The following PTPRA variants were observed in gnomAD, a reference collection of about 807,000 sequenced individuals.
PTPRA encodes protein tyrosine phosphatase receptor type A, also known as receptor-type tyrosine-protein phosphatase alpha.
PTPRA carries 25 observed loss-of-function variants against 104.8 expected under a neutral mutation model. That is an observed-to-expected ratio of 0.24 (90% confidence interval 0.17 to 0.33). The LOEUF is 0.33. Ranked by LOEUF, PTPRA falls within the 10% of genes least tolerant of loss-of-function variation. The probability of loss-of-function intolerance (pLI) is 1.00; values close to 1 mark genes in which losing one functional copy is unlikely to be tolerated. For synonymous variants in PTPRA, 323 were observed against 368.9 expected, an observed-to-expected ratio of 0.88 and a Z score of 1.43; for missense variants, 765 against 1,015.3, an observed-to-expected ratio of 0.75 and a Z score of 3.35.
In PTPRA at chr20:2,933,865, T is replaced by C. The variant is rs79924970; in HGVS notation, c.-50+10580T>C. Among the ~76,000 whole-genome samples the C allele has an allele frequency of 2.2e-3, 328 of 152,318 alleles. 1 individual carries two copies. Among genetic ancestry groups the C allele is most frequent in the African/African-American group, 7.4e-3 (308 of 41,568 alleles). On this transcript the variant is annotated intron_variant, in intron 2 of 23. Coordinates refer to ENST00000399903, the MANE Select transcript of PTPRA (RefSeq NM_001385305.1). The stretch of plus-strand genomic sequence containing the variant: ...CACATAAGAGTTTAAATATCTTATG[T>C]ATTAGAAACTATTAAATATTTCTTT...
intron 17 of PTPRA, 111 bp downstream of exon 17, chr20:3,024,732 C>T: frequency 7.5e-7 from 1 of 1,330,270 alleles, no homozygotes. Context: ...TGAGGCATGC[C>T]AGTGGTTAAG....
intron 2 of PTPRA, 66 bp downstream of exon 2, chr20:2,923,351 C>T (rs2060166967): frequency 1.8e-6 from 2 of 1,119,678 alleles, no homozygotes; most frequent in Admixed American, 5.8e-5. Context: ...TTAAATAAAG[C>T]TAACATCACA....
intron 2 of PTPRA, among the ~76,000 whole-genome samples, chr20:2,936,581 C>T (rs62207192): frequency 6.6e-6 from 1 of 152,006 alleles, no homozygotes; most frequent in African/African-American, 2.4e-5. Context: ...CCACCTCAGC[C>T]TCCTGAGTAG....
intron 9 of PTPRA, among the ~76,000 whole-genome samples, chr20:2,995,573 T>C (rs776295235): frequency 4.6e-5 from 7 of 152,222 alleles, no homozygotes; most frequent in Non-Finnish European, 8.8e-5. Flanking sequence ...TTTTGGAAAT[T>C]AACTTTCTTT....
intron 3 of PTPRA, among the ~76,000 whole-genome samples, chr20:2,949,058 G>A (rs2061261109): frequency 6.6e-6 from 1 of 152,108 alleles, no homozygotes; most frequent in African/African-American, 2.4e-5. Flanking sequence ...TAAGATGTCA[G>A]ATTTCAGTTC....
chr20:2,909,403 C>T lies in PTPRA; in HGVS notation c.-128-13804C>T, dbSNP rs549633616. 1.7e-4 allele frequency among the ~76,000 whole-genome samples: 26 copies of T among 151,980 alleles called. No homozygotes were observed. In the South Asian group the frequency reaches 3.7e-3, roughly 22 times the overall value. On this transcript the variant is annotated intron_variant, in intron 1 of 23. Transcript: ENST00000399903. ...TTTGAGACCAGCTGGGCCAACATGGCGAAACCACGTCTCTACTAAAAATAC... is the reference window on the plus strand; with the variant it reads ...TTTGAGACCAGCTGGGCCAACATGGTGAAACCACGTCTCTACTAAAAATAC...
rs541293104 is a variant in PTPRA at position 2,989,018 on chromosome 20, C to T, written c.738+544C>T. ...TGTGGGAAATGACGACCATGGGAGA[C>T]TGCAGAGCACAGGTCTCATCTTGAG... On this transcript the variant is annotated intron_variant, in intron 9 of 23. Coordinates refer to ENST00000399903, the MANE Select transcript of PTPRA (RefSeq NM_001385305.1). Among the ~76,000 whole-genome samples the T allele has an allele frequency of 2.4e-4, 36 of 152,354 alleles. No individual in the cohort carries two copies. The South Asian group carries it at 7.0e-3, about 30-fold the overall frequency.
At chr20:2,983,614 T>C (rs1011830836) in intron 6 of PTPRA, among the ~76,000 whole-genome samples, 1 of 148,346 alleles carries the variant, frequency 6.7e-6, no homozygotes, top group African/African-American at 2.5e-5. Context: ...GTTTTAGATA[T>C]ATCTCCAAAA....
At chr20:2,909,988 CATAT>C (rs3054530) in intron 1 of PTPRA, among the ~76,000 whole-genome samples, 9,182 of 96,396 alleles carry the variant, frequency 0.095, 450 homozygotes, top group Middle Eastern at 0.13. Context: ...TATCATATAT[CATAT>C]ATATAATCTA....
At chr20:2,972,044 A>G (rs933858100) in intron 5 of PTPRA, among the ~76,000 whole-genome samples, 4 of 151,916 alleles carry the variant, frequency 2.6e-5, no homozygotes, top group African/African-American at 7.3e-5. Flanking sequence ...ATGTTGGCCA[A>G]CCTGGTCTCG....
At chr20:2,880,304 T>G (rs1393838546) in intron 1 of PTPRA, among the ~76,000 whole-genome samples, 4 of 152,244 alleles carry the variant, frequency 2.6e-5, no homozygotes, top group Non-Finnish European at 5.9e-5. Context: ...AAACATTTAA[T>G]TTAGGAATTG....
intron 20 of PTPRA, among the ~76,000 whole-genome samples, chr20:3,029,764 G>A (rs1287694991): frequency 2.0e-5 from 3 of 151,934 alleles, no homozygotes; most frequent in Admixed American, 6.6e-5. Flanking sequence ...CTGACCTCAG[G>A]TTATCTGCCT....
At chr20:2,865,785 G>C in the PTPRA span, 1 of 496,694 alleles carries the variant, frequency 2.0e-6, no homozygotes, top group African/African-American at 1.9e-5. This position sits in a 1 kb window ranked among gnomAD's most constrained non-coding sequence, Gnocchi z 5.2. Flanking sequence ...TCTTGTCTGA[G>C]GAGGGTGGAG....
At chr20:2,931,275 AAGACC>A (rs2060493705) in intron 2 of PTPRA, among the ~76,000 whole-genome samples, 1 of 152,192 alleles carries the variant, frequency 6.6e-6, no homozygotes, top group Admixed American at 6.5e-5. Flanking sequence ...TGCAAGTAGA[AAGACC>A]AGAGAGAACC....
Position 2,883,627 on chromosome 20 carries a change from G to C in PTPRA, c.-129+9867G>C, listed in dbSNP as rs1006036203. Among the ~76,000 whole-genome samples, 21 of 21,204 alleles carry C rather than the reference G, an allele frequency of 9.9e-4. 8 individuals carry two copies. The highest frequency in any genetic ancestry group is 1.4e-3 in the Non-Finnish European group (21 of 15,536). 13.9% of individuals were successfully genotyped at this position (21,204 alleles called of 152,430 possible). On this transcript the variant is annotated intron_variant, in intron 1 of 23. Coordinates refer to ENST00000399903, the MANE Select transcript of PTPRA (RefSeq NM_001385305.1). ...AGATCGCGCCACTGCACTCCAGCCT[G>C]GGCGACAGAGCGAGACTCCGTCTCA...
At chr20:2,912,341 C>T (rs1295771710) in intron 1 of PTPRA, among the ~76,000 whole-genome samples, 2 of 151,992 alleles carry the variant, frequency 1.3e-5, no homozygotes, top group Non-Finnish European at 2.9e-5. Context: ...AATGTTTGGC[C>T]GGGCATGGTG....
intron 11 of PTPRA, among the ~76,000 whole-genome samples, chr20:3,009,626 T>C (rs1474345847): frequency 6.6e-6 from 1 of 152,170 alleles, no homozygotes; most frequent in Non-Finnish European, 1.5e-5. Flanking sequence ...GTTTGTAGTT[T>C]TAAGGAAAGG....
chr20:2,986,328 TGAGA>T (rs1290802335), intron 6 of PTPRA, among the ~76,000 whole-genome samples: 1 of 152,342 alleles, frequency 6.6e-6, no homozygotes, highest in Admixed American at 6.5e-5. Context: ...CCATTGAGGC[TGAGA>T]GAGTGTACAG....
At chr20:3,005,223 C>T in intron 10 of PTPRA, 77 bp downstream of exon 10, 1 of 1,390,504 alleles carries the variant, frequency 7.2e-7, no homozygotes, top group Non-Finnish European at 1.0e-6. Flanking sequence ...TGGAAAGAAT[C>T]TTGCAATTGG....
Sources: allele counts gnomAD v4.1 joint callset (sites outside exome capture counted in the v4.1 genomes callset), GRCh38; gene constraint gnomAD v4.1.1; non-coding constraint Gnocchi (gnomAD v3.1); transcripts MANE v1.5; gene names NCBI Gene and HGNC (gene_info 2026-07-23, HGNC 2026-07-21).